ATL3: variants seen among roughly 807,000 people sequenced by gnomAD.
The protein encoded by ATL3 is atlastin GTPase 3.
ATL3 carries 49 observed loss-of-function variants against 69.5 expected under a neutral mutation model. That is an observed-to-expected ratio of 0.71 (90% CI 0.56 to 0.89). The LOEUF (loss-of-function observed/expected upper bound fraction) is 0.89. Ranked by LOEUF, ATL3 falls within the 40% of genes least tolerant of loss-of-function variation. ATL3 has a pLI of 0.00. For missense variants in ATL3, 606 were observed against 645.7 expected (o/e 0.94, Z 0.67); for synonymous variants, 214 against 224.1 (o/e 0.95, Z 0.40).
intron 8 of ATL3, among the ~76,000 whole-genome samples, chr11:63,640,213 C>A (rs915298519): frequency 6.6e-6 from 1 of 152,198 alleles, no homozygotes; most frequent in Non-Finnish European, 1.5e-5. Flanking sequence ...GCGTGAGCTA[C>A]CGCACCCGGC....
At chr11:63,671,439 G>T (rs560195006), upstream of ATL3, 1 of 1,496,104 alleles carries the variant, frequency 6.7e-7, no homozygotes, top group Admixed American at 2.7e-5. Flanking sequence ...GCGGAGCCTG[G>T]GCTCTAGAAA....
chr11:63,659,370 T>A (rs1451469124), intron 1 of ATL3, 118 bp from the exon 2 acceptor site: 5 of 775,926 alleles, frequency 6.4e-6, no homozygotes, highest in Non-Finnish European at 1.0e-5. Context: ...CTCATGCCTA[T>A]AATCACAGCA....
In ATL3 at chr11:63,629,154, T is replaced by C. The variant is rs1279485130; in HGVS notation, c.*165A>G. On this transcript the variant is annotated 3_prime_UTR_variant, in exon 13 of 13. Coordinates refer to ENST00000398868, the MANE Select transcript of ATL3 (RefSeq NM_015459.5). ...AGAAATGGAAGTGTGTTTAATAATT[T>C]GAAACCACAGGAGAGGTCTGCTCAT... is the stretch of plus-strand genomic sequence containing the variant. The C allele has an allele frequency of 5.1e-6, 3 of 591,018 alleles. No homozygotes were observed. 36.6% of individuals were successfully genotyped at this position (591,018 alleles called of 1,614,324 possible). A position where few individuals can be genotyped will look rare whatever the true frequency, so the allele number is the denominator to read the frequency against.
At chr11:63,642,178 CG>C (rs1939720868) in intron 8 of ATL3, among the ~76,000 whole-genome samples, 1 of 152,164 alleles carries the variant, frequency 6.6e-6, no homozygotes, top group Non-Finnish European at 1.5e-5. Flanking sequence ...GCTTGCCAAG[CG>C]GATTTCTCTC....
At chr11:63,671,638 G>T, upstream of ATL3, 1 of 1,413,458 alleles carries the variant, frequency 7.1e-7, no homozygotes, top group Non-Finnish European at 9.3e-7. Context: ...CCGGGTACCT[G>T]TTGGCGGGGC....
At chr11:63,635,094 G>A (rs1318829898) in intron 10 of ATL3, among the ~76,000 whole-genome samples, 3 of 152,046 alleles carry the variant, frequency 2.0e-5, no homozygotes, top group Non-Finnish European at 4.4e-5. Flanking sequence ...CCCAGGAGGT[G>A]GAGGTTGCGG....
rs372784180 is a variant in ATL3 at position 63,629,295 on chromosome 11, T to G, written c.*24A>C. On this transcript the variant is annotated 3_prime_UTR_variant, in exon 13 of 13. Transcript: ENST00000398868. Reference sequence around the variant, plus strand: ...AAATCAGTAGGGGCTTGTTGTGTTCTTGTTTGATCTTCACGTTAAGATGCT... The same window carrying G: ...AAATCAGTAGGGGCTTGTTGTGTTCGTGTTTGATCTTCACGTTAAGATGCT... 33 of 1,596,580 alleles carry G rather than the reference T, an allele frequency of 2.1e-5. 1 individual carries two copies. Among genetic ancestry groups the G allele is most frequent in the South Asian group, 9.9e-5 (9 of 90,704 alleles).
In ATL3 at chr11:63,626,872, A is replaced by G. The variant is rs2134453276; in HGVS notation, c.*2447T>C. 6.6e-6 allele frequency: 1 copy of G among 152,314 alleles called. No individual in the cohort carries two copies. Among genetic ancestry groups the G allele is most frequent in the African/African-American group, 2.4e-5 (1 of 41,572 alleles). The allele number at this position is 152,314 out of a possible 1,614,324, so 9.4% of individuals were successfully genotyped here. On this transcript the variant is annotated 3_prime_UTR_variant, in exon 13 of 13. Coordinates refer to ENST00000398868, the MANE Select transcript of ATL3 (RefSeq NM_015459.5). ...CATCAATTTACTGTTGAGAGAAAAGAGGCCAAAGAAAACTCTTAAGAACCC... is the reference window on the plus strand; with the variant it reads ...CATCAATTTACTGTTGAGAGAAAAGGGGCCAAAGAAAACTCTTAAGAACCC...
At chr11:63,637,422 A>AT (rs1939558399) in intron 8 of ATL3, among the ~76,000 whole-genome samples, 1 of 152,134 alleles carries the variant, frequency 6.6e-6, no homozygotes, top group Admixed American at 6.5e-5. Context: ...ATTCTTGTTA[A>AT]TTTTTTTAAT....
At chr11:63,669,016 G>T (rs1353284109) in intron 1 of ATL3, among the ~76,000 whole-genome samples, 1 of 138,678 alleles carries the variant, frequency 7.2e-6, no homozygotes, top group Non-Finnish European at 1.6e-5. Flanking sequence ...TTTTTGGGTG[G>T]GGGGGGGCGT....
At chr11:63,656,394 G>A (rs1353697270) in intron 3 of ATL3, among the ~76,000 whole-genome samples, 5 of 151,610 alleles carry the variant, frequency 3.3e-5, no homozygotes, top group Admixed American at 2.6e-4. Context: ...GACAGATTAG[G>A]TACAAAAGAA....
intron 3 of ATL3, among the ~76,000 whole-genome samples, chr11:63,654,455 T>C (rs1940178434): frequency 6.6e-6 from 1 of 152,024 alleles, no homozygotes; most frequent in African/African-American, 2.4e-5. Flanking sequence ...TGGAGTACAA[T>C]GGCACGATCT....
chr11:63,632,925 A>T, intron 11 of ATL3, 101 bp downstream of exon 11: 1 of 1,061,426 alleles, frequency 9.4e-7, no homozygotes, highest in Non-Finnish European at 1.4e-6. Flanking sequence ...TTATTGCCTC[A>T]TCACTTAAAG....
chr11:63,654,332 A>G (rs1449948704), intron 3 of ATL3, among the ~76,000 whole-genome samples: 2 of 151,744 alleles, frequency 1.3e-5, no homozygotes, highest in Non-Finnish European at 2.9e-5. Flanking sequence ...TTTTTAGTAG[A>G]GACGGGGTTT....
intron 4 of ATL3, 88 bp downstream of exon 4, chr11:63,652,383 T>C: frequency 2.5e-6 from 2 of 815,606 alleles, no homozygotes; most frequent in East Asian, 2.8e-5. Context: ...TCCTAGAAAT[T>C]CTGTTAACAG....
chr11:63,645,417 T>A (rs959566829), intron 6 of ATL3, among the ~76,000 whole-genome samples: 1 of 151,270 alleles, frequency 6.6e-6, no homozygotes, highest in African/African-American at 2.4e-5. Flanking sequence ...AAAAATAAAT[T>A]AGAAAAGAAA....
chr11:63,655,052 T>C (rs1940198848), intron 3 of ATL3, among the ~76,000 whole-genome samples: 2 of 152,188 alleles, frequency 1.3e-5, no homozygotes, highest in South Asian at 4.1e-4. Flanking sequence ...TTTCCCTTGT[T>C]GGGTGCTGGT....
intron 8 of ATL3, among the ~76,000 whole-genome samples, chr11:63,639,501 C>CT (rs1939621629): frequency 6.6e-6 from 1 of 152,164 alleles, no homozygotes; most frequent in Non-Finnish European, 1.5e-5. Flanking sequence ...AATCCCAACA[C>CT]TTTGAGAAGC....
At chr11:63,671,530 G>A (rs1363009032), upstream of ATL3, 2 of 1,431,102 alleles carry the variant, frequency 1.4e-6, no homozygotes, top group East Asian at 3.0e-5. Flanking sequence ...GACAGCCCGA[G>A]GCGTGGCGAG....
Sources: gnomAD v4.1 joint callset for allele counts (sites outside exome capture counted in the v4.1 genomes callset) on GRCh38, gnomAD v4.1.1 for gene constraint, MANE v1.5 for transcripts, NCBI Gene and HGNC (gene_info 2026-07-23, HGNC 2026-07-21) for gene names.